The following PREX1 variants were observed in gnomAD, a reference collection of about 807,000 sequenced individuals.
PREX1 encodes phosphatidylinositol 3,4,5-trisphosphate-dependent Rac exchanger 1 protein.
In PREX1, 41 loss-of-function variants were observed where a neutral mutation model predicts 198.3. The observed-to-expected ratio is 0.21, with a 90% CI of 0.16 to 0.27. PREX1 has a LOEUF of 0.27. Among genes scored for constraint, PREX1 ranks in the 10% least tolerant of loss-of-function variants. PREX1 has a pLI of 1.00. For missense variants in PREX1, 1,620 were observed against 2,200.7 expected (o/e 0.74, Z 5.28); for synonymous variants, 843 against 887.2 (o/e 0.95, Z 0.89).
chr20:48,874,759 C>T, the PREX1 span, among the ~76,000 whole-genome samples: 15,727 of 151,894 alleles, frequency 0.1, 1,077 homozygotes, highest in Non-Finnish European at 0.16. Flanking sequence ...CGGCTATAGT[C>T]CCAGCTACGG....
At chr20:48,847,371 A>AAAAAAAAAAAAAAAAAAAC in the PREX1 span, among the ~76,000 whole-genome samples, 21 of 149,486 alleles carry the variant, frequency 1.4e-4, no homozygotes, top group African/African-American at 4.8e-4. Context: ...TTATAAAAAA[A>AAAAAAAAAAAAAAAAAAAC]AAAAAAAAAA....
chr20:48,826,124 GA>G (rs1287591427), intron 1 of PREX1, among the ~76,000 whole-genome samples: 4 of 151,572 alleles, frequency 2.6e-5, no homozygotes, highest in African/African-American at 7.3e-5. Flanking sequence ...AGCCCCAGAG[GA>G]CCCCAGAGTC....
At chr20:48,739,655 T>C (rs2090072476) in intron 3 of PREX1, among the ~76,000 whole-genome samples, 1 of 152,190 alleles carries the variant, frequency 6.6e-6, no homozygotes, top group African/African-American at 2.4e-5. Context: ...AAGTCTGTCT[T>C]ACTTAGTACA....
chr20:48,714,585 G>T (rs966160251), intron 5 of PREX1, among the ~76,000 whole-genome samples: 1 of 152,162 alleles, frequency 6.6e-6, no homozygotes, highest in Admixed American at 6.5e-5. Context: ...TACTGGAATA[G>T]CTATAATCCA....
At chr20:48,839,749 G>A in the PREX1 span, among the ~76,000 whole-genome samples, 10 of 152,116 alleles carry the variant, frequency 6.6e-5, no homozygotes, top group Non-Finnish European at 1.0e-4. Flanking sequence ...CACCTCTAGT[G>A]CTGGCCCATG....
rs765244255 is a variant in PREX1 at position 48,647,519 on chromosome 20, CAAAAAAAAAAAA to C, written c.3306-1474_3306-1463del. ...CTGGTGACACAGTGAGACAACATCT[CAAAAAAAAAAAA>C]AAAAAAAAAAGAACAGTGTCTCGTG... On this transcript the variant is annotated intron_variant, in intron 25 of 39. Coordinates refer to ENST00000371941, the MANE Select transcript of PREX1 (RefSeq NM_020820.4). Among the ~76,000 whole-genome samples the C allele has an allele frequency of 5.7e-3, 282 of 49,628 alleles. 2 individuals carry two copies. The highest frequency in any genetic ancestry group is 0.017 in the African/African-American group (271 of 15,824). The allele number at this position is 49,628 out of a possible 152,430, so 32.6% of individuals were successfully genotyped here.
chr20:48,748,401 C>T (rs1201795422), intron 1 of PREX1, among the ~76,000 whole-genome samples: 2 of 151,814 alleles, frequency 1.3e-5, no homozygotes, highest in South Asian at 2.1e-4. Flanking sequence ...CCTACAGGAA[C>T]CCCAGCTACT....
Position 48,815,817 on chromosome 20 carries a change from C to CT in PREX1, c.219+11824dup, listed in dbSNP as rs542681795. Among the ~76,000 whole-genome samples, 400 of 152,250 alleles carry CT rather than the reference C, an allele frequency of 2.6e-3. 4 individuals are homozygous for CT. The highest frequency in any genetic ancestry group is 9.3e-3 in the African/African-American group (385 of 41,530). On this transcript the variant is annotated intron_variant, in intron 1 of 39. Coordinates refer to ENST00000371941, the MANE Select transcript of PREX1 (RefSeq NM_020820.4). ...AGGTCAGGGGTTTGAGACCACCAGC[C>CT]TGGCCAATGTGGCGAAACCCTGTCT... is the stretch of plus-strand genomic sequence containing the variant.
At chr20:48,663,078 G>C (rs904970447) in intron 15 of PREX1, among the ~76,000 whole-genome samples, 1 of 152,200 alleles carries the variant, frequency 6.6e-6, no homozygotes, top group Non-Finnish European at 1.5e-5. Flanking sequence ...CAGCTGTCCA[G>C]ACTGGCCCTT....
chr20:48,633,574 T>C (rs2089332681), intron 33 of PREX1, among the ~76,000 whole-genome samples: 1 of 152,220 alleles, frequency 6.6e-6, no homozygotes, highest in Admixed American at 6.5e-5. Flanking sequence ...TACAGGCCTC[T>C]GGACTCCACC....
chr20:48,817,578 G>A (rs919978224), intron 1 of PREX1, among the ~76,000 whole-genome samples: 3 of 149,594 alleles, frequency 2.0e-5, no homozygotes, highest in Non-Finnish European at 4.5e-5. Context: ...AGCTGCTGAG[G>A]CGCAGAGATA....
At chr20:48,700,716 G>A in intron 7 of PREX1, 37 bp downstream of exon 7, 3 of 1,609,868 alleles carry the variant, frequency 1.9e-6, no homozygotes, top group Non-Finnish European at 2.5e-6. Flanking sequence ...GGAGAAGGCA[G>A]CAGGCCAGAC....
intron 1 of PREX1, among the ~76,000 whole-genome samples, chr20:48,775,615 T>G (rs887923979): frequency 7.0e-6 from 1 of 141,888 alleles, no homozygotes; most frequent in Admixed American, 6.9e-5. Context: ...AGTTCCCACA[T>G]GTTATGGGAG....
intron 1 of PREX1, among the ~76,000 whole-genome samples, chr20:48,750,700 C>G (rs2090130263): frequency 1.3e-5 from 2 of 152,298 alleles, no homozygotes; most frequent in South Asian, 4.1e-4. Flanking sequence ...AATGCAAACT[C>G]CTATCTTCCC....
At chr20:48,824,094 T>C (rs750431043) in intron 1 of PREX1, among the ~76,000 whole-genome samples, 2 of 152,180 alleles carry the variant, frequency 1.3e-5, no homozygotes, top group Non-Finnish European at 2.9e-5. Flanking sequence ...GTACCCCACA[T>C]AGCCAGGGCC....
At chr20:48,758,709 G>T (rs576147917) in intron 1 of PREX1, among the ~76,000 whole-genome samples, 2 of 152,324 alleles carry the variant, frequency 1.3e-5, no homozygotes, top group East Asian at 3.9e-4. Context: ...CAGACACAGG[G>T]AGCAAACAGC....
intron 10 of PREX1, among the ~76,000 whole-genome samples, chr20:48,683,680 T>C (rs559666348): frequency 1.3e-5 from 2 of 152,302 alleles, no homozygotes; most frequent in South Asian, 4.2e-4. Flanking sequence ...GCCCATTATG[T>C]TAGAAGACGA....
At chr20:48,803,687 CT>C (rs1481484856) in intron 1 of PREX1, among the ~76,000 whole-genome samples, 1 of 152,176 alleles carries the variant, frequency 6.6e-6, no homozygotes, top group African/African-American at 2.4e-5. Context: ...GAGTCCTGCT[CT>C]TAGTACATGT....
At chr20:48,683,518 A>G (rs1160052704) in intron 10 of PREX1, among the ~76,000 whole-genome samples, 1 of 152,208 alleles carries the variant, frequency 6.6e-6, no homozygotes, top group African/African-American at 2.4e-5. Flanking sequence ...CTGAGCTGGG[A>G]TGCAGTATGC....
Sources: gnomAD v4.1 joint callset for allele counts (sites outside exome capture counted in the v4.1 genomes callset) on GRCh38, gnomAD v4.1.1 for gene constraint, MANE v1.5 for transcripts, NCBI Gene and HGNC (gene_info 2026-07-23, HGNC 2026-07-21) for gene names.